SVEP1: variants seen among roughly 807,000 people sequenced by gnomAD.
SVEP1 encodes the protein sushi, von Willebrand factor type A, EGF and pentraxin domain containing 1.
SVEP1 carries 164 observed loss-of-function variants against 367.3 expected under a neutral mutation model. The observed-to-expected ratio is 0.45, with a 90% CI of 0.39 to 0.51. SVEP1 has a LOEUF of 0.51. Among genes scored for constraint, SVEP1 ranks in the 20% least tolerant of loss-of-function variants. SVEP1 has a pLI of 0.00. For synonymous variants in SVEP1, 1,666 were observed against 1,611.6 expected, an observed-to-expected ratio of 1.03 and a Z score of -0.81; for missense variants, 4,117 against 4,425.3, an observed-to-expected ratio of 0.93 and a Z score of 1.98.
rs902042565 is a variant in SVEP1 at position 110,424,953 on chromosome 9, C to T, written c.5975+2638G>A. ...CCTCCCAAAGTGTTGGGATTACAGGCGTGAGCCACCACGTCCAGCCTAATT... is the reference window on the plus strand; with the variant it reads ...CCTCCCAAAGTGTTGGGATTACAGGTGTGAGCCACCACGTCCAGCCTAATT... On this transcript the variant is annotated intron_variant, in intron 36 of 47. Coordinates refer to ENST00000374469, the MANE Select transcript of SVEP1 (RefSeq NM_153366.4). Among the ~76,000 whole-genome samples the T allele has an allele frequency of 7.4e-4, 113 of 152,198 alleles. 1 individual carries two copies. Among genetic ancestry groups the T allele is most frequent in the African/African-American group, 2.7e-3 (110 of 41,454 alleles).
chr9:110,524,483 G>C (rs1210843813), intron 3 of SVEP1, among the ~76,000 whole-genome samples: 1 of 152,076 alleles, frequency 6.6e-6, no homozygotes, highest in Non-Finnish European at 1.5e-5. Context: ...GTTTATTGTA[G>C]GGAGGCAAGG....
At chr9:110,550,348 C>T (rs1401078159) in intron 1 of SVEP1, among the ~76,000 whole-genome samples, 3 of 152,168 alleles carry the variant, frequency 2.0e-5, no homozygotes, top group African/African-American at 7.2e-5. Context: ...GCTGATGGAG[C>T]TTGCTAATGA....
chr9:110,513,572 T>C (rs1055258243), intron 4 of SVEP1, among the ~76,000 whole-genome samples: 2 of 152,302 alleles, frequency 1.3e-5, no homozygotes, highest in South Asian at 4.1e-4. Flanking sequence ...ACCCTTTACT[T>C]ATAAAAATAT....
intron 26 of SVEP1, among the ~76,000 whole-genome samples, chr9:110,445,309 C>A (rs543173280): frequency 1.3e-5 from 2 of 152,210 alleles, no homozygotes; most frequent in South Asian, 2.1e-4. Context: ...GGCGATGGGG[C>A]CCTGGAGTTG....
intron 40 of SVEP1, among the ~76,000 whole-genome samples, chr9:110,398,585 C>T (rs547544435): frequency 2.6e-5 from 4 of 152,134 alleles, no homozygotes; most frequent in African/African-American, 9.6e-5. Context: ...ATTTTTCCAG[C>T]CTACTCATCT....
intron 19 of SVEP1, 23 bp downstream of exon 19, chr9:110,458,929 A>T: frequency 6.2e-7 from 1 of 1,604,536 alleles, no homozygotes; most frequent in Non-Finnish European, 8.5e-7. Context: ...ATAGGATTAC[A>T]TAAGAAATGA....
chr9:110,448,926 G>A (rs1446681961), intron 24 of SVEP1, among the ~76,000 whole-genome samples: 1 of 152,174 alleles, frequency 6.6e-6, no homozygotes, highest in African/African-American at 2.4e-5. Flanking sequence ...GTGGGAGGAT[G>A]GTAATGGAAG....
At chr9:110,464,099 A>G (rs1828901498) in intron 18 of SVEP1, among the ~76,000 whole-genome samples, 1 of 152,190 alleles carries the variant, frequency 6.6e-6, no homozygotes, top group South Asian at 2.1e-4. Flanking sequence ...GGTTGGAGGA[A>G]GTGGGCAGGA....
At position 110,481,413 on chromosome 9, in the gene SVEP1, T is replaced by C. The variant is rs1829185704; in HGVS notation, c.2194A>G (p.Thr732Ala). ...CATATAAAATCCCCATTTACAGGTG[T>C]GAATGGAATTTCACAGGGAGAACCT... Reference protein sequence around the residue: ...IKGSPCEIPFTPVNGDFICTP... With the variant: ...IKGSPCEIPFAPVNGDFICTP... Residue 732 changes from threonine to alanine, a missense_variant, in exon 12 of 48, where the codon ACA becomes GCA. This residue lies in a region of SVEP1 where 2,174 missense variants were observed against 2,494.3 expected (regional missense o/e 0.87). Transcript: ENST00000374469. 1.3e-6 allele frequency: 2 copies of C among 1,592,514 alleles called. No individual in the cohort carries two copies. Among genetic ancestry groups the C allele is most frequent in the Non-Finnish European group, 1.7e-6 (2 of 1,168,556 alleles).
intron 3 of SVEP1, among the ~76,000 whole-genome samples, chr9:110,525,129 G>A (rs758317516): frequency 2.0e-5 from 3 of 152,040 alleles, no homozygotes; most frequent in Non-Finnish European, 2.9e-5. Flanking sequence ...GAAATAAAAC[G>A]TATTCGGATT....
chr9:110,395,044 T>G (rs1827734176), intron 40 of SVEP1, among the ~76,000 whole-genome samples: 2 of 152,004 alleles, frequency 1.3e-5, no homozygotes, highest in Admixed American at 1.3e-4. Flanking sequence ...CCAAGACACA[T>G]AATTGTCAGA....
At chr9:110,368,378 G>T (rs1236870252) in intron 47 of SVEP1, among the ~76,000 whole-genome samples, 1 of 152,188 alleles carries the variant, frequency 6.6e-6, no homozygotes, top group Non-Finnish European at 1.5e-5. Flanking sequence ...CCTCTGGGTT[G>T]CTAGTTAGCC....
intron 1 of SVEP1, among the ~76,000 whole-genome samples, chr9:110,561,544 A>G (rs1564176954): frequency 6.6e-6 from 1 of 152,240 alleles, no homozygotes; most frequent in African/African-American, 2.4e-5. Context: ...ATTCTAGGCC[A>G]AAACGTTTTT....
At chr9:110,391,918 A>G (rs1036474512) in intron 40 of SVEP1, among the ~76,000 whole-genome samples, 2 of 151,958 alleles carry the variant, frequency 1.3e-5, no homozygotes, top group African/African-American at 4.8e-5. Context: ...AGAACAAAAC[A>G]TGGAAGGAGG....
Position 110,554,729 on chromosome 9 carries a change from T to TGC in SVEP1, c.532-4626_532-4625insGC, listed in dbSNP as rs560311150. ...ATTTATGTGTATGTATAGATGTGCG[T>TGC]GTGTGTGTGTGTGTGTGTGTGTGTA... On this transcript the variant is annotated intron_variant, in intron 1 of 47. Transcript: ENST00000374469. 4.3e-3 allele frequency among the ~76,000 whole-genome samples: 643 copies of TGC among 148,196 alleles called. 3 individuals carry two copies. Among genetic ancestry groups the TGC allele is most frequent in the African/African-American group, 0.015 (596 of 40,660 alleles).
At chr9:110,392,650 T>C (rs1827682857) in intron 40 of SVEP1, among the ~76,000 whole-genome samples, 1 of 152,204 alleles carries the variant, frequency 6.6e-6, no homozygotes, top group Non-Finnish European at 1.5e-5. Flanking sequence ...GTCAAACAGG[T>C]AGCACTGGAA....
chr9:110,505,813 TTCTC>T (rs894801035), intron 5 of SVEP1, among the ~76,000 whole-genome samples: 10 of 144,332 alleles, frequency 6.9e-5, no homozygotes, highest in East Asian at 2.0e-4. Context: ...TTATTTTCTT[TTCTC>T]TCTTTTTTTT....
At chr9:110,468,815 T>C (rs1828975808) in intron 17 of SVEP1, 125 bp downstream of exon 17, 4 of 913,136 alleles carry the variant, frequency 4.4e-6, no homozygotes, top group Admixed American at 6.6e-5. Context: ...CTTGCAAATC[T>C]ATCTTTTGCC....
chr9:110,471,717 A>T, intron 15 of SVEP1, 120 bp from the exon 16 acceptor site: 1 of 724,690 alleles, frequency 1.4e-6, no homozygotes, highest in South Asian at 2.1e-5. Context: ...AGTGGTCTAT[A>T]GAAAAAAAAT....
Sources: gnomAD v4.1 joint callset for allele counts (sites outside exome capture counted in the v4.1 genomes callset) on GRCh38, gnomAD v4.1.1 for gene constraint, gnomAD v4.1.1 regional missense constraint, MANE v1.5 for transcripts, NCBI Gene and HGNC (gene_info 2026-07-23, HGNC 2026-07-21) for gene names.